SEMA3A: variants seen among roughly 807,000 people sequenced by gnomAD.
SEMA3A encodes semaphorin 3A.
A neutral mutation model predicts 97.9 loss-of-function variants in SEMA3A; 29 were observed. The observed-to-expected ratio is 0.30, with a 90% confidence interval of 0.22 to 0.40. The LOEUF is 0.40. SEMA3A is among the 10% of genes least tolerant of loss of function. The pLI is 1.00. For missense variants in SEMA3A, 763 were observed against 951.3 expected (o/e 0.80, Z 2.60); for synonymous variants, 321 against 323.7 (o/e 0.99, Z 0.09).
intron 1 of SEMA3A, among the ~76,000 whole-genome samples, chr7:84,183,818 T>C (rs1211849098): frequency 6.6e-6 from 1 of 152,128 alleles, no homozygotes; most frequent in African/African-American, 2.4e-5. Flanking sequence ...TGGTATAAAA[T>C]ACATGGTATG....
At chr7:84,372,351 C>T (rs1802996319) in intron 1 of SEMA3A, 1 of 152,114 alleles carries the variant, frequency 6.6e-6, no homozygotes, top group African/African-American at 2.4e-5. Context: ...AACTTAGCAT[C>T]TGGTTACAGA....
intron 1 of SEMA3A, among the ~76,000 whole-genome samples, chr7:84,374,754 G>T (rs1246578737): frequency 6.6e-6 from 1 of 152,128 alleles, no homozygotes; most frequent in Non-Finnish European, 1.5e-5. Flanking sequence ...CTAGTGGATT[G>T]GTAACTTTGT....
intron 1 of SEMA3A, among the ~76,000 whole-genome samples, chr7:84,456,959 G>A (rs534927294): frequency 6.6e-6 from 1 of 151,834 alleles, no homozygotes; most frequent in Admixed American, 6.6e-5. Context: ...AAGCGATAAA[G>A]CCAGGATACT....
chr7:84,386,504 T>C (rs959082053), intron 1 of SEMA3A, among the ~76,000 whole-genome samples: 1 of 152,132 alleles, frequency 6.6e-6, no homozygotes, highest in African/African-American at 2.4e-5. Context: ...GTCATATGGT[T>C]TAAAATAATT....
At chr7:84,328,616 C>T (rs936576377) in intron 2 of SEMA3A, among the ~76,000 whole-genome samples, 4 of 151,996 alleles carry the variant, frequency 2.6e-5, no homozygotes, top group East Asian at 1.9e-4. Context: ...TGATCTATTT[C>T]GACAACCTAT....
intron 6 of SEMA3A, among the ~76,000 whole-genome samples, chr7:84,037,403 C>G (rs1791979216): frequency 6.6e-6 from 1 of 152,088 alleles, no homozygotes; most frequent in Admixed American, 6.6e-5. Context: ...TCATGGCTCA[C>G]TGCAGCCTTG....
chr7:84,452,387 A>C (rs760202422), intron 1 of SEMA3A, among the ~76,000 whole-genome samples: 8 of 152,186 alleles, frequency 5.3e-5, no homozygotes, highest in Non-Finnish European at 1.2e-4. Flanking sequence ...TTAGTGGAGA[A>C]TGAATCCTAT....
intron 6 of SEMA3A, among the ~76,000 whole-genome samples, chr7:84,016,665 T>A (rs1791118770): frequency 6.6e-6 from 1 of 152,220 alleles, no homozygotes; most frequent in Admixed American, 6.5e-5. Context: ...TCAAATTATG[T>A]TTATTTCAAA....
At chr7:84,062,418 C>T (rs1262733775) in intron 4 of SEMA3A, among the ~76,000 whole-genome samples, 3 of 152,132 alleles carry the variant, frequency 2.0e-5, no homozygotes, top group African/African-American at 4.8e-5. Context: ...TAGGAGGAGC[C>T]AAGATGGCCG....
intron 4 of SEMA3A, 122 bp downstream of exon 4, chr7:84,110,348 G>A (rs770711793): frequency 5.1e-4 from 527 of 1,042,298 alleles, no homozygotes; most frequent in Non-Finnish European, 6.8e-4. Context: ...CAGCATCTGA[G>A]TTTGAAGTAG....
chr7:84,167,810 TACAA>T (rs1797259315), intron 1 of SEMA3A, among the ~76,000 whole-genome samples: 2 of 152,094 alleles, frequency 1.3e-5, no homozygotes, highest in Non-Finnish European at 2.9e-5. Flanking sequence ...CCTTCTAAAA[TACAA>T]ATGTAAGAAA....
chr7:84,118,619 T>A (rs1159457375), intron 3 of SEMA3A, among the ~76,000 whole-genome samples: 2 of 152,176 alleles, frequency 1.3e-5, no homozygotes, highest in African/African-American at 2.4e-5. Flanking sequence ...TATAGCTCCA[T>A]GACAAAAGAC....
At chr7:84,042,087 C>T (rs143915096) in intron 6 of SEMA3A, among the ~76,000 whole-genome samples, 2 of 152,166 alleles carry the variant, frequency 1.3e-5, no homozygotes, top group Non-Finnish European at 2.9e-5. Context: ...TCATATGTTT[C>T]ATCACTGGGT....
intron 3 of SEMA3A, among the ~76,000 whole-genome samples, chr7:84,248,631 C>A (rs552621084): frequency 6.6e-6 from 1 of 151,940 alleles, no homozygotes; most frequent in Non-Finnish European, 1.5e-5. Context: ...TTTTTTCAGA[C>A]ACGTTTCAAT....
chr7:84,439,938 A>G (rs917937004), intron 1 of SEMA3A, among the ~76,000 whole-genome samples: 5 of 152,210 alleles, frequency 3.3e-5, no homozygotes, highest in African/African-American at 1.2e-4. Context: ...GATGGATTTA[A>G]TTCATATATT....
chr7:84,409,237 T>C (rs953793643), intron 1 of SEMA3A, among the ~76,000 whole-genome samples: 11 of 151,706 alleles, frequency 7.3e-5, no homozygotes, highest in Non-Finnish European at 1.5e-4. Context: ...AGGTGATGGA[T>C]ATTTTAATTA....
rs1456936244 is a variant in SEMA3A, at chr7:83,960,253, C to G, written c.*1118G>C. On this transcript the variant is annotated 3_prime_UTR_variant, in exon 17 of 17. Coordinates refer to ENST00000265362, the MANE Select transcript of SEMA3A (RefSeq NM_006080.3). ...CAAGCACGGAATTAAGACACATTTTCTATTAACAGTATATTAAGACAATGC... is the reference window on the plus strand; with the variant it reads ...CAAGCACGGAATTAAGACACATTTTGTATTAACAGTATATTAAGACAATGC... 1 of 152,170 alleles carries G rather than the reference C, an allele frequency of 6.6e-6. No individual in the cohort carries two copies. Among genetic ancestry groups the G allele is most frequent in the African/African-American group, 2.4e-5 (1 of 41,556 alleles). 9.4% of individuals were successfully genotyped at this position (152,170 alleles called of 1,614,324 possible). A position where few individuals can be genotyped will look rare whatever the true frequency, so the allele number is the denominator to read the frequency against.
intron 3 of SEMA3A, among the ~76,000 whole-genome samples, chr7:84,224,619 A>G (rs1211309914): frequency 1.3e-5 from 2 of 152,130 alleles, no homozygotes; most frequent in African/African-American, 4.8e-5. Flanking sequence ...AGTCCATTCC[A>G]TTTTAGTTTC....
intron 1 of SEMA3A, among the ~76,000 whole-genome samples, chr7:84,442,614 A>T (rs985461219): frequency 6.6e-6 from 1 of 151,650 alleles, no homozygotes; most frequent in South Asian, 2.1e-4. Flanking sequence ...ATCTTTCCTT[A>T]CCGGTAATTA....
Sources: allele counts gnomAD v4.1 joint callset (sites outside exome capture counted in the v4.1 genomes callset), GRCh38; gene constraint gnomAD v4.1.1; transcripts MANE v1.5; gene names NCBI Gene and HGNC (gene_info 2026-07-23, HGNC 2026-07-21).